Variants in TENM3 observed in about 807,000 individuals in gnomAD.
TENM3 encodes teneurin-3.
A neutral mutation model predicts 255.1 loss-of-function variants in TENM3; 63 were observed. The ratio of observed to expected loss-of-function variants is 0.25; its 90% CI spans 0.20 to 0.30. TENM3 has a LOEUF of 0.30. Ranked by LOEUF, TENM3 falls within the 10% of genes least tolerant of loss-of-function variation. TENM3 has a pLI of 1.00. For missense variants in TENM3, 2,929 were observed against 3,461.1 expected, an observed-to-expected ratio of 0.85 and a Z score of 3.86; for synonymous variants, 1,306 against 1,322.3, an observed-to-expected ratio of 0.99 and a Z score of 0.27.
chr4:182,434,020 A>G lies in TENM3; in HGVS notation c.511+87091A>G, dbSNP rs58183670. Reference sequence around the variant, plus strand: ...TCCCTGCTGCTCGGGAGACTGAGGCAGAAGGATCCTTTGAATTTAGGAGTT... The same window carrying G: ...TCCCTGCTGCTCGGGAGACTGAGGCGGAAGGATCCTTTGAATTTAGGAGTT... On this transcript the variant is annotated intron_variant, in intron 3 of 27. Transcript: ENST00000511685. Among the ~76,000 whole-genome samples, 361 of 152,238 alleles carry G rather than the reference A, an allele frequency of 2.4e-3. 3 individuals are homozygous for G. Among genetic ancestry groups the G allele is most frequent in the African/African-American group, 7.3e-3 (304 of 41,548 alleles).
the TENM3 span, among the ~76,000 whole-genome samples, chr4:181,839,377 A>ATG: frequency 2.0e-5 from 1 of 50,554 alleles, no homozygotes. Context: ...ATATATATAT[A>ATG]TATATATACA....
At chr4:181,818,200 T>G in the TENM3 span, among the ~76,000 whole-genome samples, 1 of 152,230 alleles carries the variant, frequency 6.6e-6, no homozygotes, top group Non-Finnish European at 1.5e-5. Context: ...TCCCCAGTTA[T>G]TCACTCAAAT....
chr4:181,961,237 A>C, the TENM3 span, among the ~76,000 whole-genome samples: 6 of 152,216 alleles, frequency 3.9e-5, no homozygotes, highest in Admixed American at 1.3e-4. Context: ...AAGGTCAAGC[A>C]CCACGTAACT....
chr4:181,544,697 G>T, the TENM3 span, among the ~76,000 whole-genome samples: 1 of 152,132 alleles, frequency 6.6e-6, no homozygotes, highest in Non-Finnish European at 1.5e-5. Flanking sequence ...AGTGATTTTG[G>T]ATTATCGGTG....
At chr4:182,286,293 C>G (rs1173494097) in intron 1 of TENM3, among the ~76,000 whole-genome samples, 1 of 152,224 alleles carries the variant, frequency 6.6e-6, no homozygotes, top group East Asian at 1.9e-4. Flanking sequence ...CTTAAACCTG[C>G]CATTCTACAA....
chr4:182,603,784 T>TAC (rs142957807), intron 4 of TENM3, among the ~76,000 whole-genome samples: 44,921 of 134,116 alleles, frequency 0.33, 9,401 homozygotes, highest in East Asian at 0.66. Flanking sequence ...TATATATATA[T>TAC]ACACACACAC....
At chr4:182,383,948 G>C (rs570686189) in intron 3 of TENM3, among the ~76,000 whole-genome samples, 1 of 152,198 alleles carries the variant, frequency 6.6e-6, no homozygotes. Context: ...AGGCAGGACC[G>C]TATTTCTGTG....
chr4:182,348,394 A>T (rs1214651786), intron 3 of TENM3, among the ~76,000 whole-genome samples: 2 of 152,172 alleles, frequency 1.3e-5, no homozygotes, highest in African/African-American at 2.4e-5. Context: ...TGGAATAAAT[A>T]TTGCTTCCTG....
the TENM3 span, among the ~76,000 whole-genome samples, chr4:181,753,277 A>G: frequency 6.6e-6 from 1 of 152,176 alleles, no homozygotes; most frequent in Non-Finnish European, 1.5e-5. Context: ...ATCCTATATA[A>G]TCAGACACTG....
Position 182,658,632 on chromosome 4 carries a change from ACATAACAAAC to A in TENM3, c.1111+4749_1111+4758del, listed in dbSNP as rs546208719. ...TCAACTACTTTGGTTATCTATTACT[ACATAACAAAC>A]CATAACAAAACTCAGTGGCTTAGAA... is the stretch of plus-strand genomic sequence containing the variant. On this transcript the variant is annotated intron_variant, in intron 6 of 27. Transcript: ENST00000511685. Among the ~76,000 whole-genome samples the A allele has an allele frequency of 6.6e-5, 10 of 152,372 alleles. No homozygotes were observed. In the East Asian group the frequency reaches 1.9e-3, roughly 29 times the overall value.
chr4:181,767,577 T>G, the TENM3 span, among the ~76,000 whole-genome samples: 1 of 152,200 alleles, frequency 6.6e-6, no homozygotes, highest in African/African-American at 2.4e-5. Flanking sequence ...ATGTGGAGGC[T>G]TCAGAATCAC....
the TENM3 span, among the ~76,000 whole-genome samples, chr4:181,483,878 T>G: frequency 4.6e-5 from 7 of 152,198 alleles, no homozygotes; most frequent in African/African-American, 1.7e-4. Context: ...GGTAGTAAAC[T>G]TCTTTTCTCT....
chr4:181,521,405 G>T, the TENM3 span, among the ~76,000 whole-genome samples: 1 of 152,190 alleles, frequency 6.6e-6, no homozygotes, highest in African/African-American at 2.4e-5. Flanking sequence ...TACAAAAATG[G>T]CTTGCAGTAA....
chr4:181,660,213 C>A, the TENM3 span, among the ~76,000 whole-genome samples: 6 of 152,124 alleles, frequency 3.9e-5, no homozygotes, highest in African/African-American at 1.4e-4. Flanking sequence ...CAATTAATAT[C>A]TGTCAAGAAC....
At chr4:182,429,415 T>G (rs1050529849) in intron 3 of TENM3, among the ~76,000 whole-genome samples, 6 of 152,342 alleles carry the variant, frequency 3.9e-5, no homozygotes, top group Admixed American at 1.3e-4. Flanking sequence ...ATAAATTGCA[T>G]AAGCAATTTC....
At chr4:182,443,198 G>A (rs774693087) in intron 3 of TENM3, among the ~76,000 whole-genome samples, 6 of 151,986 alleles carry the variant, frequency 3.9e-5, no homozygotes, top group Non-Finnish European at 5.9e-5. Flanking sequence ...TCCCCAAAAT[G>A]TATTCATATT....
the TENM3 span, among the ~76,000 whole-genome samples, chr4:182,071,413 G>A: frequency 6.6e-6 from 1 of 150,932 alleles, no homozygotes; most frequent in East Asian, 1.9e-4. Flanking sequence ...CCATTATTTA[G>A]ACTTAAATCA....
chr4:182,028,416 G>T, the TENM3 span, among the ~76,000 whole-genome samples: 1 of 151,872 alleles, frequency 6.6e-6, no homozygotes, highest in African/African-American at 2.4e-5. Flanking sequence ...AAAACCAACT[G>T]GTTGTTTCAT....
chr4:182,469,448 C>G (rs1040817877), intron 3 of TENM3, among the ~76,000 whole-genome samples: 1 of 152,124 alleles, frequency 6.6e-6, no homozygotes, highest in Non-Finnish European at 1.5e-5. Flanking sequence ...AGCACGGTGG[C>G]TCATGCTTGC....
Sources: gnomAD v4.1 joint callset for allele counts (sites outside exome capture counted in the v4.1 genomes callset) on GRCh38, gnomAD v4.1.1 for gene constraint, MANE v1.5 for transcripts, NCBI Gene and HGNC (gene_info 2026-07-23, HGNC 2026-07-21) for gene names.